DOCK7: variants seen among roughly 807,000 people sequenced by gnomAD.
The protein encoded by DOCK7 is dedicator of cytokinesis protein 7.
DOCK7 carries 138 observed loss-of-function variants against 271.0 expected under a neutral mutation model. The ratio of observed to expected loss-of-function variants is 0.51; its 90% CI spans 0.44 to 0.59. DOCK7 has a LOEUF of 0.59. Among genes scored for constraint, DOCK7 ranks in the 20% least tolerant of loss-of-function variants. The pLI is 0.00. For synonymous variants in DOCK7, 823 were observed against 876.1 expected (o/e 0.94, Z 1.07); for missense variants, 2,066 against 2,592.4 (o/e 0.80, Z 4.41).
chr1:62,513,636 T>G (rs1644567734), intron 32 of DOCK7, 30 bp from the exon 33 acceptor site: 1 of 1,604,080 alleles, frequency 6.2e-7, no homozygotes, highest in Admixed American at 1.7e-5. Context: ...AGAGAAGAGG[T>G]ATTGAGGAAA....
At position 62,513,906 on chromosome 1, in the gene DOCK7, T is replaced by TA; in HGVS notation, c.3937-9dup. Reference sequence around the variant, plus strand: ...AGTGTGTTGCCTGCCACTCTGAAAATAAAGAGCAGTAGAATGAGACAGATT... The same window carrying TA: ...AGTGTGTTGCCTGCCACTCTGAAAATAAAAGAGCAGTAGAATGAGACAGATT... On this transcript the variant is annotated splice_polypyrimidine_tract_variant and intron_variant, in intron 31 of 49. Coordinates refer to ENST00000635253, the MANE Select transcript of DOCK7 (RefSeq NM_001367561.1). 1 of 1,610,264 alleles carries TA rather than the reference T, an allele frequency of 6.2e-7. No individual in the cohort carries two copies. Among genetic ancestry groups the TA allele is most frequent in the South Asian group, 1.1e-5 (1 of 90,168 alleles).
chr1:62,575,324 G>C (rs1646913036), intron 18 of DOCK7, among the ~76,000 whole-genome samples: 3 of 152,150 alleles, frequency 2.0e-5, no homozygotes, highest in Admixed American at 1.3e-4. Context: ...AAGATAGCAA[G>C]ACCAATCCCT....
At chr1:62,687,998 C>T (rs1010712053) in intron 1 of DOCK7, among the ~76,000 whole-genome samples, 3 of 152,142 alleles carry the variant, frequency 2.0e-5, no homozygotes, top group African/African-American at 7.2e-5. Flanking sequence ...TCTCCGCTCC[C>T]TGCCGAGGCT....
intron 25 of DOCK7, among the ~76,000 whole-genome samples, chr1:62,542,085 C>G (rs546481242): frequency 1.3e-5 from 2 of 152,078 alleles, no homozygotes; most frequent in East Asian, 3.9e-4. Flanking sequence ...GCTATGTTGC[C>G]CAGGCTGGTC....
At chr1:62,468,452 A>C (rs1273814070) in intron 48 of DOCK7, among the ~76,000 whole-genome samples, 1 of 152,072 alleles carries the variant, frequency 6.6e-6, no homozygotes, top group Non-Finnish European at 1.5e-5. Context: ...TCCACAGCCA[A>C]CATAATACTG....
intron 14 of DOCK7, among the ~76,000 whole-genome samples, chr1:62,596,584 G>C (rs1382366833): frequency 6.6e-6 from 1 of 151,968 alleles, no homozygotes; most frequent in Non-Finnish European, 1.5e-5. Flanking sequence ...CAAGGTAAAA[G>C]AATTGCTTGA....
chr1:62,566,264 G>A (rs1313623020), intron 18 of DOCK7, among the ~76,000 whole-genome samples: 2 of 152,108 alleles, frequency 1.3e-5, no homozygotes, highest in Admixed American at 1.3e-4. Flanking sequence ...AAAGAACAAA[G>A]CTGGAGGCAT....
intron 10 of DOCK7, among the ~76,000 whole-genome samples, chr1:62,631,872 G>A (rs1378229145): frequency 6.6e-6 from 1 of 152,188 alleles, no homozygotes; most frequent in African/African-American, 2.4e-5. Context: ...ATAGGCCAAT[G>A]ATAAACAAGC....
rs1348891418 is a variant in DOCK7, at chr1:62,686,357, A to AT, written c.38+1869dup. Among the ~76,000 whole-genome samples the AT allele has an allele frequency of 7.7e-3, 44 of 5,734 alleles. 15 individuals carry two copies. Among genetic ancestry groups the AT allele is most frequent in the Admixed American group, 0.012 (3 of 254 alleles). 3.8% of individuals were successfully genotyped at this position (5,734 alleles called of 152,430 possible). On this transcript the variant is annotated intron_variant, in intron 1 of 49. Transcript: ENST00000635253. ...CCACCGCGCCCGGCTAATTTTTTGT[A>AT]TTTTTTTTTTTTAGTAGAGACGGGG...
chr1:62,571,205 A>G (rs1646764689), intron 18 of DOCK7, among the ~76,000 whole-genome samples: 1 of 152,208 alleles, frequency 6.6e-6, no homozygotes, highest in African/African-American at 2.4e-5. Flanking sequence ...AAACAAATTT[A>G]CAAGAAAAAA....
intron 4 of DOCK7, among the ~76,000 whole-genome samples, chr1:62,651,534 G>C (rs1046572813): frequency 7.3e-6 from 1 of 136,540 alleles, no homozygotes; most frequent in Non-Finnish European, 1.6e-5. Context: ...AAAAAAAAAA[G>C]AATTCTGTGG....
rs746642737 is a variant in DOCK7, at chr1:62,663,096, C to T, written c.73G>A (p.Gly25Arg). 2 of 1,612,132 alleles carry T rather than the reference C, an allele frequency of 1.2e-6. No individual in the cohort carries two copies. Among genetic ancestry groups the T allele is most frequent in the Non-Finnish European group, 1.7e-6 (2 of 1,179,306 alleles). ...AGTTGGGGAGAACCACTATATTGTC[C>T]GGAGATCTGCTTCCTAACTTCGGCT... ...VAAEVRKQIS[G>R]QYSGSPQLLK... Residue 25 changes from glycine (G) to arginine (R), a missense_variant, in exon 2 of 50, where the codon GGA (glycine) becomes AGA (arginine). Gly to Arg is a moderately radical substitution (Grantham distance 125). Transcript: ENST00000635253.
At chr1:62,686,811 A>G (rs1309848849) in intron 1 of DOCK7, among the ~76,000 whole-genome samples, 2 of 152,114 alleles carry the variant, frequency 1.3e-5, no homozygotes, top group African/African-American at 4.8e-5. Flanking sequence ...CTGAGAGTAG[A>G]GCCCATGCTC....
At chr1:62,476,920 C>T (rs1645985026) in intron 44 of DOCK7, 1 of 152,060 alleles carries the variant, frequency 6.6e-6, no homozygotes. Context: ...GAGAAGTCAC[C>T]AATAGGAATA....
At chr1:62,654,210 A>C (rs1303554554) in intron 2 of DOCK7, 51 bp from the exon 3 acceptor site, 3 of 1,495,112 alleles carry the variant, frequency 2.0e-6, no homozygotes, top group African/African-American at 2.8e-5. Flanking sequence ...AGGTGAATGT[A>C]ATAATTTTAA....
rs144504436 is a variant in DOCK7, at chr1:62,578,460, C to T, written c.2010+368G>A. On this transcript the variant is annotated intron_variant, in intron 17 of 49. Transcript: ENST00000635253. ...ACAGGCCAGGCGCCATGGCTCACGC[C>T]TGTAATCCTAGCACTTTGGGAGGCC... is the stretch of plus-strand genomic sequence containing the variant. Among the ~76,000 whole-genome samples the T allele has an allele frequency of 4.5e-4, 68 of 152,276 alleles. No individual in the cohort carries two copies. In the East Asian group the frequency reaches 0.012, roughly 27 times the overall value.
intron 21 of DOCK7, chr1:62,555,265 GT>G (rs1367981789): frequency 6.6e-6 from 1 of 152,346 alleles, no homozygotes; most frequent in Admixed American, 6.5e-5. Flanking sequence ...ATCACTGTAG[GT>G]TTCAAAGGGT....
In DOCK7 at chr1:62,455,242, A is replaced by T. The variant is rs1396587717; in HGVS notation, c.*172T>A. 1.3e-6 allele frequency: 1 copy of T among 746,080 alleles called. No individual in the cohort carries two copies. Among genetic ancestry groups the T allele is most frequent in the Non-Finnish European group, 2.3e-6 (1 of 427,462 alleles). 46.2% of individuals were successfully genotyped at this position (746,080 alleles called of 1,614,324 possible). ...TTGTTACCAGAACATTAGAAACCAT[A>T]GCCATGATTCTCAAGCGTTAACAAT... is the stretch of plus-strand genomic sequence containing the variant. On this transcript the variant is annotated 3_prime_UTR_variant, in exon 50 of 50. Coordinates refer to ENST00000635253, the MANE Select transcript of DOCK7 (RefSeq NM_001367561.1).
At position 62,454,914 on chromosome 1, in the gene DOCK7, T is replaced by C; in HGVS notation, c.*500A>G. The C allele has an allele frequency of 3.4e-6, 1 of 290,998 alleles. No homozygotes were observed. 18.0% of individuals were successfully genotyped at this position (290,998 alleles called of 1,614,324 possible). On this transcript the variant is annotated 3_prime_UTR_variant, in exon 50 of 50. Transcript: ENST00000635253. ...CATTAATTTGGGGCTATCTATGATTTTTATTCTGCTAGGTTTGGAACTAGT... is the reference window on the plus strand; with the variant it reads ...CATTAATTTGGGGCTATCTATGATTCTTATTCTGCTAGGTTTGGAACTAGT...
Sources: allele counts gnomAD v4.1 joint callset (sites outside exome capture counted in the v4.1 genomes callset), GRCh38; gene constraint gnomAD v4.1.1; transcripts MANE v1.5; gene names NCBI Gene and HGNC (gene_info 2026-07-23, HGNC 2026-07-21).